The following SPACA7 variants were observed in gnomAD, a reference collection of about 807,000 sequenced individuals.
The protein encoded by SPACA7 is sperm acrosome-associated protein 7.
In SPACA7, 19 loss-of-function variants were observed where a neutral mutation model predicts 26.3. That is an observed-to-expected ratio of 0.72 (90% CI 0.50 to 1.06). SPACA7 has a LOEUF of 1.06. SPACA7 is among the 50% of genes least tolerant of loss of function. The pLI, the probability that SPACA7 is intolerant of heterozygous loss-of-function variation, is 0.00. For missense variants in SPACA7, 211 were observed against 229.9 expected (o/e 0.92, Z 0.53); for synonymous variants, 84 against 84.5 (o/e 0.99, Z 0.04).
At chr13:112,409,663 A>G (rs1594296235) in intron 5 of SPACA7, among the ~76,000 whole-genome samples, 1 of 152,256 alleles carries the variant, frequency 6.6e-6, no homozygotes, top group East Asian at 1.9e-4. Flanking sequence ...AAACCACAAT[A>G]AGATACCATC....
In SPACA7 at chr13:112,434,609, C is replaced by T. The variant is rs181398620; in HGVS notation, c.*60C>T. 780 of 1,400,000 alleles carry T rather than the reference C, an allele frequency of 5.6e-4. 3 individuals carry two copies. The African/African-American group carries it at 9.6e-3, about 17-fold the overall frequency. The allele number at this position is 1,400,000 out of a possible 1,614,324, so 86.7% of individuals were successfully genotyped here. On this transcript the variant is annotated 3_prime_UTR_variant, in exon 7 of 7. Coordinates refer to ENST00000283550, the MANE Select transcript of SPACA7 (RefSeq NM_145248.5). ...GCCTGCTAGAACCCCCACCCACCAG[C>T]CTCCGGAACAGGGCACTTGTGTGCA...
intron 3 of SPACA7, 135 bp from the exon 4 acceptor site, chr13:112,398,931 A>G (rs551900353): frequency 4.6e-6 from 3 of 647,604 alleles, no homozygotes; most frequent in Non-Finnish European, 5.5e-6. Context: ...TTACCAACGC[A>G]CATTTCCACA....
intron 5 of SPACA7, among the ~76,000 whole-genome samples, chr13:112,426,951 A>G (rs965288631): frequency 1.3e-5 from 2 of 152,228 alleles, no homozygotes; most frequent in East Asian, 1.9e-4. Flanking sequence ...AAGCACAGAC[A>G]TTCTTTCATA....
chr13:112,391,618 T>A (rs578133772), intron 1 of SPACA7, among the ~76,000 whole-genome samples: 1 of 152,320 alleles, frequency 6.6e-6, no homozygotes, highest in South Asian at 2.1e-4. Flanking sequence ...AGGTGACACA[T>A]GAAGGATATG....
At chr13:112,409,807 G>A (rs1886227770) in intron 5 of SPACA7, among the ~76,000 whole-genome samples, 1 of 152,172 alleles carries the variant, frequency 6.6e-6, no homozygotes, top group African/African-American at 2.4e-5. Context: ...AGTCAGTGTG[G>A]CGATTCCTCA....
chr13:112,414,554 G>T (rs1490217194), intron 5 of SPACA7, among the ~76,000 whole-genome samples: 2 of 151,746 alleles, frequency 1.3e-5, no homozygotes, highest in Non-Finnish European at 2.9e-5. Flanking sequence ...GGGATTACAG[G>T]CACATGCCAC....
intron 1 of SPACA7, among the ~76,000 whole-genome samples, chr13:112,386,623 T>A (rs1289758638): frequency 1.3e-5 from 2 of 151,528 alleles, no homozygotes; most frequent in African/African-American, 2.4e-5. Flanking sequence ...CAAAAAAAAA[T>A]GGAGACAAAT....
chr13:112,407,244 A>G (rs2138986367), intron 5 of SPACA7, among the ~76,000 whole-genome samples: 1 of 152,362 alleles, frequency 6.6e-6, no homozygotes, highest in East Asian at 1.9e-4. Flanking sequence ...TTATAGCACT[A>G]AATGCCCACA....
intron 1 of SPACA7, among the ~76,000 whole-genome samples, chr13:112,383,008 G>T (rs1416859331): frequency 7.5e-6 from 1 of 132,542 alleles, no homozygotes; most frequent in African/African-American, 2.8e-5. Context: ...GAGAGAGAAA[G>T]ACAGAAGGAA....
At chr13:112,430,284 C>T (rs1264293367) in intron 5 of SPACA7, among the ~76,000 whole-genome samples, 1 of 151,490 alleles carries the variant, frequency 6.6e-6, no homozygotes, top group Non-Finnish European at 1.5e-5. Flanking sequence ...CTGGGCTCTG[C>T]GTAAGTTCTC....
At chr13:112,425,284 G>A (rs1876426597) in intron 5 of SPACA7, among the ~76,000 whole-genome samples, 1 of 152,190 alleles carries the variant, frequency 6.6e-6, no homozygotes, top group South Asian at 2.1e-4. Context: ...AGAAAAGATG[G>A]GGAAAACCAT....
In SPACA7 at chr13:112,381,836, A is replaced by T. The variant is rs544850744; in HGVS notation, c.94+5357A>T. On this transcript the variant is annotated intron_variant, in intron 1 of 6. Coordinates refer to ENST00000283550, the MANE Select transcript of SPACA7 (RefSeq NM_145248.5). ...GCCACAAGATCAGATGAGCCACTTT[A>T]TCCATCTGGGTGGTGCCGGCTGATC... 1.1e-4 allele frequency among the ~76,000 whole-genome samples: 17 copies of T among 152,110 alleles called. No individual in the cohort carries two copies. In the East Asian group the frequency reaches 3.3e-3, roughly 30 times the overall value.
rs147934625 is a variant in SPACA7 at position 112,379,027 on chromosome 13, G to A, written c.94+2548G>A. On this transcript the variant is annotated intron_variant, in intron 1 of 6. Coordinates refer to ENST00000283550, the MANE Select transcript of SPACA7 (RefSeq NM_145248.5). ...ATTACCAAATTGTTGTCCGTTATGCGTAGCCTAAGAGAAACCGGAAGCAGA... is the reference window on the plus strand; with the variant it reads ...ATTACCAAATTGTTGTCCGTTATGCATAGCCTAAGAGAAACCGGAAGCAGA... Among the ~76,000 whole-genome samples, 135 of 152,248 alleles carry A rather than the reference G, an allele frequency of 8.9e-4. 1 individual carries two copies. In the South Asian group the frequency reaches 9.7e-3, roughly 11 times the overall value.
chr13:112,415,358 A>T (rs1886625945), intron 5 of SPACA7, among the ~76,000 whole-genome samples: 1 of 152,212 alleles, frequency 6.6e-6, no homozygotes, highest in Non-Finnish European at 1.5e-5. Context: ...ATTGATGTTT[A>T]TTCGAGGCTC....
chr13:112,433,244 C>T (rs2139095244), intron 6 of SPACA7, among the ~76,000 whole-genome samples: 1 of 147,146 alleles, frequency 6.8e-6, no homozygotes, highest in South Asian at 2.3e-4. Context: ...GAGCTGCTGT[C>T]TGTGAACTCC....
intron 5 of SPACA7, among the ~76,000 whole-genome samples, chr13:112,415,519 G>A (rs1022233955): frequency 6.6e-6 from 1 of 152,136 alleles, no homozygotes; most frequent in Non-Finnish European, 1.5e-5. Flanking sequence ...TCTTCCCAGT[G>A]TGGTTTTGCT....
intron 5 of SPACA7, among the ~76,000 whole-genome samples, chr13:112,409,116 AG>A (rs1886178490): frequency 6.6e-6 from 1 of 152,246 alleles, no homozygotes; most frequent in Admixed American, 6.5e-5. Flanking sequence ...GAATGGGGAA[AG>A]GATTCCCTAT....
chr13:112,429,375 C>CAA (rs78540007), intron 5 of SPACA7, among the ~76,000 whole-genome samples: 5 of 116,440 alleles, frequency 4.3e-5, no homozygotes, highest in African/African-American at 9.6e-5. Context: ...GACCCCATCT[C>CAA]AAAAAAAAAA....
intron 5 of SPACA7, among the ~76,000 whole-genome samples, chr13:112,408,154 A>C (rs1249741272): frequency 1.3e-5 from 2 of 152,160 alleles, no homozygotes; most frequent in East Asian, 3.8e-4. Context: ...AAAGGCCTTC[A>C]ACAAAATTCA....
Sources: gnomAD v4.1 joint callset for allele counts (sites outside exome capture counted in the v4.1 genomes callset) on GRCh38, gnomAD v4.1.1 for gene constraint, MANE v1.5 for transcripts, NCBI Gene and HGNC (gene_info 2026-07-23, HGNC 2026-07-21) for gene names.